TRIM9: variants seen among roughly 807,000 people sequenced by gnomAD.
TRIM9 encodes tripartite motif containing 9.
TRIM9 carries 26 observed loss-of-function variants against 78.3 expected under a neutral mutation model. That is an observed-to-expected ratio of 0.33 (90% confidence interval 0.24 to 0.46). The LOEUF (loss-of-function observed/expected upper bound fraction) is 0.46, where lower values mean the gene tolerates loss of function less well. Among genes scored for constraint, TRIM9 ranks in the 20% least tolerant of loss-of-function variants. TRIM9 has a pLI of 1.00. For missense variants in TRIM9, 787 were observed against 1,036.4 expected (o/e 0.76, Z 3.30); for synonymous variants, 398 against 416.5 (o/e 0.96, Z 0.54).
At chr14:51,050,700 CA>C (rs1258616393) in intron 1 of TRIM9, among the ~76,000 whole-genome samples, 1 of 152,174 alleles carries the variant, frequency 6.6e-6, no homozygotes, top group African/African-American at 2.4e-5. Context: ...AACAAGAATA[CA>C]GCTTCTGGCT....
chr14:51,031,161 A>G (rs570545334), intron 1 of TRIM9, among the ~76,000 whole-genome samples: 3 of 150,802 alleles, frequency 2.0e-5, no homozygotes, highest in Non-Finnish European at 4.4e-5. Flanking sequence ...AAAAAAAAAA[A>G]AAAAGAAAGA....
chr14:51,061,812 A>T (rs1285344541), intron 1 of TRIM9, among the ~76,000 whole-genome samples: 1 of 152,074 alleles, frequency 6.6e-6, no homozygotes, highest in African/African-American at 2.4e-5. Context: ...AGCTTTTTGG[A>T]TCTGTGAGTT....
intron 1 of TRIM9, among the ~76,000 whole-genome samples, chr14:51,047,823 T>C (rs1011063515): frequency 1.3e-5 from 2 of 152,228 alleles, no homozygotes; most frequent in Non-Finnish European, 2.9e-5. Flanking sequence ...AAATTTATAC[T>C]TCATTCACAT....
At position 51,053,655 on chromosome 14, in the gene TRIM9, G is replaced by A. The variant is rs554169904; in HGVS notation, c.823-28295C>T. ...GTACATGTGCACATTGTGCAGGTTA[G>A]TTACATATGTATACATGTGCCATGT... On this transcript the variant is annotated intron_variant, in intron 1 of 12. Transcript: ENST00000684578. Among the ~76,000 whole-genome samples, 28 of 130,016 alleles carry A rather than the reference G, an allele frequency of 2.2e-4. 2 individuals carry two copies. The highest frequency in any genetic ancestry group is 8.4e-4 in the African/African-American group (28 of 33,344). The allele number at this position is 130,016 out of a possible 152,430, so 85.3% of individuals were successfully genotyped here. A position where few individuals can be genotyped will look rare whatever the true frequency, so the allele number is the denominator to read the frequency against.
chr14:51,069,806 A>C (rs2062056965), intron 1 of TRIM9, among the ~76,000 whole-genome samples: 1 of 152,206 alleles, frequency 6.6e-6, no homozygotes, highest in African/African-American at 2.4e-5. Flanking sequence ...ACTGAGAGCA[A>C]TCTTCAGCTG....
At chr14:50,990,656 C>G (rs2053388075) in intron 7 of TRIM9, among the ~76,000 whole-genome samples, 1 of 152,136 alleles carries the variant, frequency 6.6e-6, no homozygotes, top group African/African-American at 2.4e-5. Context: ...TAATCCAGTG[C>G]CCTCTGTGTC....
chr14:51,083,717 T>A (rs1038334700), intron 1 of TRIM9, among the ~76,000 whole-genome samples: 3 of 152,182 alleles, frequency 2.0e-5, no homozygotes, highest in Admixed American at 2.0e-4. Flanking sequence ...GGAGTTGAGA[T>A]ACATATCCAA....
In TRIM9 at chr14:51,011,593, GATTTTATGGATA is replaced by G. The variant is rs2056588446; in HGVS notation, c.1042-1111_1042-1100del. On this transcript the variant is annotated intron_variant, in intron 3 of 12. Transcript: ENST00000684578. ...AGCCTAAAATACATCTAGTGTTTTG[GATTTTATGGATA>G]ATAGCCAAAAGAGAATCTAATAATA... Among the ~76,000 whole-genome samples the G allele has an allele frequency of 2.0e-5, 3 of 152,200 alleles. No homozygotes were observed. The South Asian group carries it at 6.2e-4, about 32-fold the overall frequency.
rs372593890 is a variant in TRIM9, at chr14:50,979,454, C to T, written c.2258G>A (p.Gly753Asp). 7.4e-6 allele frequency: 12 copies of T among 1,614,076 alleles called. No homozygotes were observed. The highest frequency in any genetic ancestry group is 9.3e-6 in the Non-Finnish European group (11 of 1,180,040). ...LTFFINDEQQ[G>D]PIAFDNVEGL... ...CTCCACGTTATCAAATGCTATGGGACCTTGTTGTTCATCGTTGATAAAAAA... is the reference window on the plus strand; with the variant it reads ...CTCCACGTTATCAAATGCTATGGGATCTTGTTGTTCATCGTTGATAAAAAA... Residue 753 changes from glycine (G) to aspartate (D), a missense_variant, in exon 12 of 13, where the codon GGT becomes GAT. Around this residue, in one of 3 missense-constraint regions of TRIM9, gnomAD observed 421 missense variants for 514.3 expected, o/e 0.82. Coordinates refer to ENST00000684578, the MANE Select transcript of TRIM9 (RefSeq NM_001387360.1).
chr14:51,083,428 A>C (rs1194942174), intron 1 of TRIM9, among the ~76,000 whole-genome samples: 1 of 132,122 alleles, frequency 7.6e-6, no homozygotes, highest in Non-Finnish European at 1.7e-5. Context: ...CTAATTAAAA[A>C]AAATTTTTTT....
At chr14:51,063,999 T>G (rs569719555) in intron 1 of TRIM9, among the ~76,000 whole-genome samples, 1 of 152,096 alleles carries the variant, frequency 6.6e-6, no homozygotes, top group Admixed American at 6.5e-5. Flanking sequence ...AAAAGGCATA[T>G]GATTATTAAA....
At chr14:51,072,048 C>T (rs1052447247) in intron 1 of TRIM9, among the ~76,000 whole-genome samples, 8 of 152,130 alleles carry the variant, frequency 5.3e-5, no homozygotes, top group Non-Finnish European at 7.4e-5. Flanking sequence ...CCTTCCTTCC[C>T]GGTGTTCTCT....
At chr14:51,087,432 A>G (rs1222353724) in intron 1 of TRIM9, among the ~76,000 whole-genome samples, 4 of 152,132 alleles carry the variant, frequency 2.6e-5, no homozygotes, top group African/African-American at 9.7e-5. Context: ...CTGCTGTTAG[A>G]TATATTTTGC....
At chr14:50,979,619 G>T in intron 11 of TRIM9, 70 bp from the exon 12 acceptor site, 1 of 1,301,674 alleles carries the variant, frequency 7.7e-7, no homozygotes, top group Non-Finnish European at 1.1e-6. Flanking sequence ...CTTTTGTGTG[G>T]TGAAACCAGT....
intron 1 of TRIM9, among the ~76,000 whole-genome samples, chr14:51,054,501 C>T (rs1213261553): frequency 2.6e-5 from 4 of 151,992 alleles, no homozygotes; most frequent in African/African-American, 4.8e-5. Flanking sequence ...GTCTGGAACT[C>T]CTGGGCTCAA....
At chr14:50,993,007 G>A (rs957235613) in intron 7 of TRIM9, among the ~76,000 whole-genome samples, 10 of 152,116 alleles carry the variant, frequency 6.6e-5, no homozygotes, top group African/African-American at 2.4e-4. Flanking sequence ...GGACAGGCAG[G>A]GCTGGAAAGC....
At chr14:51,073,726 A>G (rs2062506041) in intron 1 of TRIM9, among the ~76,000 whole-genome samples, 2 of 152,210 alleles carry the variant, frequency 1.3e-5, no homozygotes. Context: ...ATTGCTAATT[A>G]CACAGGTGTG....
At chr14:51,018,488 GTTC>G (rs2057439267) in intron 3 of TRIM9, among the ~76,000 whole-genome samples, 1 of 152,066 alleles carries the variant, frequency 6.6e-6, no homozygotes, top group Non-Finnish European at 1.5e-5. Flanking sequence ...GTAAATTTGT[GTTC>G]TTAATACGTG....
At chr14:51,008,990 T>C in intron 5 of TRIM9, 90 bp downstream of exon 5, 1 of 1,326,860 alleles carries the variant, frequency 7.5e-7, no homozygotes, top group East Asian at 2.3e-5. Flanking sequence ...CATATTCTTG[T>C]TACATTAGCC....
Sources: gnomAD v4.1 joint callset for allele counts (sites outside exome capture counted in the v4.1 genomes callset) on GRCh38, gnomAD v4.1.1 for gene constraint, gnomAD v4.1.1 regional missense constraint, MANE v1.5 for transcripts, NCBI Gene and HGNC (gene_info 2026-07-23, HGNC 2026-07-21) for gene names.